The following AKAP7 variants were observed in gnomAD, a reference collection of about 807,000 sequenced individuals.
AKAP7 encodes the protein A-kinase anchoring protein 7, also known as A kinase (PRKA) anchor protein 7.
AKAP7 carries 39 observed loss-of-function variants against 39.5 expected under a neutral mutation model. That is an observed-to-expected ratio of 0.99 (90% CI 0.76 to 1.29). The LOEUF is 1.29. AKAP7 is among the 50% of genes most tolerant of loss of function. AKAP7 has a pLI of 0.00. For synonymous variants in AKAP7, 140 were observed against 139.1 expected (o/e 1.01, Z -0.05); for missense variants, 414 against 407.7 (o/e 1.02, Z -0.13).
intron 7 of AKAP7, among the ~76,000 whole-genome samples, chr6:131,237,640 G>A (rs958452020): frequency 1.8e-4 from 28 of 152,228 alleles, no homozygotes; most frequent in African/African-American, 4.8e-4. Flanking sequence ...CTTGGGGGGT[G>A]TATGTGTTGA....
intron 7 of AKAP7, among the ~76,000 whole-genome samples, chr6:131,239,907 T>C (rs9321280): frequency 0.96 from 146,421 of 152,188 alleles, 70,504 homozygotes; most frequent in East Asian, 1. Context: ...TCTCTCAACT[T>C]GTCAAAGTCA....
At chr6:131,131,719 A>G (rs1800334148), upstream of AKAP7, among the ~76,000 whole-genome samples, 1 of 152,124 alleles carries the variant, frequency 6.6e-6, no homozygotes, top group Non-Finnish European at 1.5e-5. Flanking sequence ...AAGGAGTATT[A>G]AAGCCCTCAG....
intron 5 of AKAP7, among the ~76,000 whole-genome samples, chr6:131,173,318 G>A (rs1804263132): frequency 6.6e-6 from 1 of 151,944 alleles, no homozygotes; most frequent in South Asian, 2.1e-4. Flanking sequence ...TGTGTCTTTG[G>A]GTTAGAATTG....
rs1800475790 is a variant in AKAP7 at position 131,135,744 on chromosome 6, C to A, written c.-20C>A. The A allele has an allele frequency of 2.5e-6, 3 of 1,222,304 alleles. No homozygotes were observed. The highest frequency in any genetic ancestry group is 3.0e-6 in the Non-Finnish European group (3 of 983,854). 75.7% of individuals were successfully genotyped at this position (1,222,304 alleles called of 1,614,324 possible). A position where few individuals can be genotyped will look rare whatever the true frequency, so the allele number is the denominator to read the frequency against. Reference sequence around the variant, plus strand: ...GCCGCTGCCGCCAGCCCAGACGCGCCGCCCGCATGCGCCGCGACCATGGAG... The same window carrying A: ...GCCGCTGCCGCCAGCCCAGACGCGCAGCCCGCATGCGCCGCGACCATGGAG... On this transcript the variant is annotated 5_prime_UTR_variant, in exon 1 of 8. Coordinates refer to ENST00000431975, the MANE Select transcript of AKAP7 (RefSeq NM_016377.4).
intron 3 of AKAP7, 39 bp downstream of exon 3, chr6:131,160,237 A>G: frequency 1.3e-6 from 2 of 1,515,972 alleles, no homozygotes; most frequent in Non-Finnish European, 1.8e-6. Context: ...GTGAAATTTT[A>G]TTCTAAATTT....
chr6:131,162,549 G>A (rs755433117), intron 3 of AKAP7, among the ~76,000 whole-genome samples: 2 of 152,128 alleles, frequency 1.3e-5, no homozygotes, highest in Non-Finnish European at 2.9e-5. Context: ...CCCGAATATA[G>A]CCGTGTCACC....
In AKAP7 at chr6:131,243,451, A is replaced by T. The variant is rs117796367; in HGVS notation, c.850+23643A>T. Among the ~76,000 whole-genome samples, 1,016 of 152,328 alleles carry T rather than the reference A, an allele frequency of 6.7e-3. 7 individuals are homozygous for T. Among genetic ancestry groups the T allele is most frequent in the Non-Finnish European group, 0.011 (739 of 68,018 alleles). ...ATGTCAGCCGGGGCTGTGGTGGACCATGACAGATTTTGAGACCTGCCAAGA... is the reference window on the plus strand; with the variant it reads ...ATGTCAGCCGGGGCTGTGGTGGACCTTGACAGATTTTGAGACCTGCCAAGA... On this transcript the variant is annotated intron_variant, in intron 7 of 7. Transcript: ENST00000431975.
At chr6:131,150,482 A>G (rs1801828076) in intron 2 of AKAP7, among the ~76,000 whole-genome samples, 1 of 152,208 alleles carries the variant, frequency 6.6e-6, no homozygotes, top group Non-Finnish European at 1.5e-5. Flanking sequence ...AATAAAAGAT[A>G]AATTGTTTTC....
intron 2 of AKAP7, among the ~76,000 whole-genome samples, chr6:131,157,143 A>G (rs1280087083): frequency 1.3e-5 from 2 of 152,216 alleles, no homozygotes; most frequent in East Asian, 1.9e-4. Flanking sequence ...TCTGAGTATT[A>G]TCTAATAATT....
intron 7 of AKAP7, among the ~76,000 whole-genome samples, chr6:131,272,020 C>T (rs1027622958): frequency 5.3e-5 from 8 of 152,112 alleles, no homozygotes; most frequent in African/African-American, 9.7e-5. Flanking sequence ...AGCAAAGCCC[C>T]GGGACTGGTG....
intron 7 of AKAP7, among the ~76,000 whole-genome samples, chr6:131,235,978 C>T (rs902010282): frequency 3.4e-4 from 52 of 152,230 alleles, no homozygotes; most frequent in Non-Finnish European, 6.6e-4. Context: ...AAGTCCTTGC[C>T]CATGCCTATG....
At chr6:131,196,626 A>C (rs138329733) in intron 5 of AKAP7, among the ~76,000 whole-genome samples, 19 of 152,118 alleles carry the variant, frequency 1.2e-4, no homozygotes, top group African/African-American at 4.6e-4. Context: ...TCTTTGTTAA[A>C]TTTATCTGAT....
intron 6 of AKAP7, among the ~76,000 whole-genome samples, chr6:131,214,551 A>G (rs1380935267): frequency 1.3e-5 from 2 of 152,228 alleles, no homozygotes; most frequent in African/African-American, 4.8e-5. Flanking sequence ...GATTATTTGG[A>G]ATATTAACAG....
At chr6:131,187,550 A>G (rs2128266573) in intron 5 of AKAP7, among the ~76,000 whole-genome samples, 1 of 152,252 alleles carries the variant, frequency 6.6e-6, no homozygotes, top group Non-Finnish European at 1.5e-5. Context: ...CTTATCCCCT[A>G]TATCTCTACT....
chr6:131,182,961 C>CA (rs555024509), intron 5 of AKAP7, among the ~76,000 whole-genome samples: 181 of 151,106 alleles, frequency 1.2e-3, no homozygotes, highest in African/African-American at 4.3e-3. Context: ...TGGAGTTCAA[C>CA]AAAAAAAATT....
intron 5 of AKAP7, 42 bp from the exon 6 acceptor site, chr6:131,199,419 A>C (rs894734433): frequency 2.3e-6 from 3 of 1,330,250 alleles, no homozygotes; most frequent in Non-Finnish European, 3.2e-6. Flanking sequence ...AGAACTGAAA[A>C]TACTGTAGTA....
chr6:131,277,414 A>G (rs1377970564), intron 7 of AKAP7, among the ~76,000 whole-genome samples: 1 of 152,206 alleles, frequency 6.6e-6, no homozygotes, highest in Non-Finnish European at 1.5e-5. Flanking sequence ...TGTTGCTTAC[A>G]TTGGCAATAC....
intron 7 of AKAP7, among the ~76,000 whole-genome samples, chr6:131,257,838 C>T (rs1209180842): frequency 6.6e-6 from 1 of 152,138 alleles, no homozygotes; most frequent in Non-Finnish European, 1.5e-5. Context: ...ACCTTCTGCA[C>T]TACATGAAGC....
chr6:131,209,196 A>G (rs1808414967), intron 6 of AKAP7, among the ~76,000 whole-genome samples: 1 of 151,970 alleles, frequency 6.6e-6, no homozygotes, highest in South Asian at 2.1e-4. Context: ...TTAAACATAT[A>G]GATTCTGTGG....
Sources: gnomAD v4.1 joint callset for allele counts (sites outside exome capture counted in the v4.1 genomes callset) on GRCh38, gnomAD v4.1.1 for gene constraint, MANE v1.5 for transcripts, NCBI Gene and HGNC (gene_info 2026-07-23, HGNC 2026-07-21) for gene names.